The following WIPF3 variants were observed in gnomAD, a reference collection of about 807,000 sequenced individuals.
The protein encoded by WIPF3 is WAS/WASL-interacting protein family member 3.
Under a neutral mutation model 38.9 loss-of-function variants are expected in WIPF3, and 33 were observed. That is an observed-to-expected ratio of 0.85 (90% CI 0.64 to 1.14). The LOEUF (loss-of-function observed/expected upper bound fraction) is 1.14. WIPF3 is among the 50% of genes most tolerant of loss of function. The probability of loss-of-function intolerance (pLI) is 0.00; values close to 1 mark genes in which losing one functional copy is unlikely to be tolerated. For missense variants in WIPF3, 711 were observed against 652.5 expected, an observed-to-expected ratio of 1.09 and a Z score of -0.98; for synonymous variants, 324 against 269.3, an observed-to-expected ratio of 1.20 and a Z score of -1.99.
intron 1 of WIPF3, among the ~76,000 whole-genome samples, chr7:29,817,634 T>C (rs1784477278): frequency 6.6e-6 from 1 of 152,104 alleles, no homozygotes; most frequent in African/African-American, 2.4e-5. Context: ...AATGTCTTTC[T>C]TTTTTTAAAA....
chr7:29,833,616 T>C (rs1784755777), intron 1 of WIPF3, among the ~76,000 whole-genome samples: 1 of 152,200 alleles, frequency 6.6e-6, no homozygotes, highest in East Asian at 1.9e-4. Flanking sequence ...CATAAATGCT[T>C]TTGGCCTCTG....
Position 29,834,754 on chromosome 7 carries a change from TCTG to T in WIPF3, c.32_34del (p.Leu11del). On this transcript the variant is annotated inframe_deletion, in exon 2 of 9. Transcript: ENST00000242140. ...CAGTGCCACCGCCACCCCCACCTCC[TCTG>T]CCTCCACCTCCCCCGCCTCTGGGGG... 8.5e-7 allele frequency: 1 copy of T among 1,179,886 alleles called. No homozygotes were observed. The highest frequency in any genetic ancestry group is 1.1e-6 in the Non-Finnish European group (1 of 918,210). The allele number at this position is 1,179,886 out of a possible 1,614,324, so 73.1% of individuals were successfully genotyped here. A position where few individuals can be genotyped will look rare whatever the true frequency, so the allele number is the denominator to read the frequency against.
intron 1 of WIPF3, among the ~76,000 whole-genome samples, chr7:29,811,440 G>C (rs1335874430): frequency 6.6e-6 from 1 of 152,198 alleles, no homozygotes; most frequent in Non-Finnish European, 1.5e-5. Context: ...GATAAAATCA[G>C]AGGTAATTTA....
chr7:29,904,336 G>C lies in WIPF3; in HGVS notation c.1402G>C (p.Asp468His), dbSNP rs759006079. Residue 468 changes from aspartate to histidine, a missense_variant, in exon 8 of 9, where the codon GAT (aspartate) becomes CAT (histidine). By Grantham distance (81) the Asp-to-His change is moderately conservative. Coordinates refer to ENST00000242140, the MANE Select transcript of WIPF3 (RefSeq NM_001080529.3). ...AGCGGAAGCAGTCGGGCAGAGCTCT[G>C]ATGACATCAAAGGCAGAAATTCTCA... ...LQAEAVGQSS[D>H]DIKGRNSQLS... is the part of the protein sequence containing the mutation. 1 of 1,613,838 alleles carries C rather than the reference G, an allele frequency of 6.2e-7. No homozygotes were observed. Among genetic ancestry groups the C allele is most frequent in the African/African-American group, 1.3e-5 (1 of 74,926 alleles).
chr7:29,878,689 G>A lies in WIPF3; in HGVS notation c.224-320G>A, dbSNP rs1460675140. Among the ~76,000 whole-genome samples, 1 of 152,170 alleles carries A rather than the reference G, an allele frequency of 6.6e-6. No individual in the cohort carries two copies. Among genetic ancestry groups the A allele is most frequent in the Non-Finnish European group, 1.5e-5 (1 of 68,028 alleles). On this transcript the variant is annotated intron_variant, in intron 3 of 8. Transcript: ENST00000242140. This position sits in a 1 kb window ranked among gnomAD's most constrained non-coding sequence, Gnocchi z 4.0. The stretch of plus-strand genomic sequence containing the variant: ...CTACCACATTTGGGTTTTCTAATTC[G>A]AAGGTGCTGCCAGTTGCTCTGTTAG...
At chr7:29,875,422 G>A (rs972190762) in intron 2 of WIPF3, among the ~76,000 whole-genome samples, 8 of 152,098 alleles carry the variant, frequency 5.3e-5, no homozygotes, top group African/African-American at 1.9e-4. Flanking sequence ...CGTCAAGTGG[G>A]GAATCAGTCA....
At chr7:29,868,782 G>A (rs1040286855) in intron 2 of WIPF3, among the ~76,000 whole-genome samples, 6 of 152,000 alleles carry the variant, frequency 3.9e-5, no homozygotes, top group Admixed American at 1.3e-4. Flanking sequence ...GCATGTTACT[G>A]TACTCAGTGA....
chr7:29,894,215 AGCTAGCT>A (rs1386226309), intron 7 of WIPF3, among the ~76,000 whole-genome samples: 1 of 152,114 alleles, frequency 6.6e-6, no homozygotes, highest in Non-Finnish European at 1.5e-5. Context: ...GCTAATCTAC[AGCTAGCT>A]GCATTTTATG....
intron 1 of WIPF3, among the ~76,000 whole-genome samples, chr7:29,806,901 C>A (rs1008699204): frequency 6.6e-6 from 1 of 151,192 alleles, no homozygotes; most frequent in African/African-American, 2.4e-5. Flanking sequence ...CACCCTGCCA[C>A]GCCGCCCCGG....
chr7:29,866,168 G>A (rs755732733), intron 2 of WIPF3, among the ~76,000 whole-genome samples: 20 of 152,036 alleles, frequency 1.3e-4, no homozygotes, highest in Non-Finnish European at 2.4e-4. Context: ...CAAAAAAAAA[G>A]GAAGTCTAGA....
chr7:29,839,999 A>G (rs927211208), intron 2 of WIPF3, among the ~76,000 whole-genome samples: 2 of 152,192 alleles, frequency 1.3e-5, no homozygotes, highest in African/African-American at 4.8e-5. Flanking sequence ...CTTTTGTTAT[A>G]TAAGTATATA....
chr7:29,818,326 G>T (rs1224277065), intron 1 of WIPF3, among the ~76,000 whole-genome samples: 1 of 151,980 alleles, frequency 6.6e-6, no homozygotes, highest in Non-Finnish European at 1.5e-5. Flanking sequence ...GGTGGCACAT[G>T]CCTGTAGTAC....
chr7:29,827,533 G>T (rs1418619181), intron 1 of WIPF3, among the ~76,000 whole-genome samples: 1 of 152,046 alleles, frequency 6.6e-6, no homozygotes, highest in Non-Finnish European at 1.5e-5. Context: ...TGGCCGCAAG[G>T]TACCTTTAAT....
chr7:29,821,782 T>G (rs1784540366), intron 1 of WIPF3, among the ~76,000 whole-genome samples: 1 of 152,220 alleles, frequency 6.6e-6, no homozygotes, highest in Non-Finnish European at 1.5e-5. Context: ...CTTTGTCCAT[T>G]TACATTTCAT....
Position 29,811,050 on chromosome 7 carries a change from G to A in WIPF3, c.-58+4372G>A, listed in dbSNP as rs183410234. Among the ~76,000 whole-genome samples the A allele has an allele frequency of 8.8e-4, 132 of 149,442 alleles. 2 individuals are homozygous for A. The highest frequency in any genetic ancestry group is 4.5e-3 in the South Asian group (21 of 4,710). On this transcript the variant is annotated intron_variant, in intron 1 of 8. Coordinates refer to ENST00000242140, the MANE Select transcript of WIPF3 (RefSeq NM_001080529.3). ...ACTACAGGCACGTGCCACCATGCCC[G>A]GCTAATTTTTTTTTATTTTTTGTAG...
At chr7:29,808,012 G>A (rs1164373459) in intron 1 of WIPF3, among the ~76,000 whole-genome samples, 1 of 151,990 alleles carries the variant, frequency 6.6e-6, no homozygotes, top group Non-Finnish European at 1.5e-5. Context: ...TTGTTTTTGG[G>A]CCTTGCAAGG....
chr7:29,827,567 G>A (rs1056804435), intron 1 of WIPF3, among the ~76,000 whole-genome samples: 1 of 152,102 alleles, frequency 6.6e-6, no homozygotes, highest in Non-Finnish European at 1.5e-5. Flanking sequence ...ACGCTTAGAG[G>A]TGGCAGGACC....
chr7:29,824,638 G>C (rs1336834575), intron 1 of WIPF3, among the ~76,000 whole-genome samples: 2 of 152,168 alleles, frequency 1.3e-5, no homozygotes, highest in African/African-American at 4.8e-5. Context: ...CACAGTGGAG[G>C]ATGAGATGTG....
chr7:29,906,601 A>C (rs1051636989), intron 8 of WIPF3, among the ~76,000 whole-genome samples: 4 of 152,182 alleles, frequency 2.6e-5, no homozygotes, highest in Non-Finnish European at 5.9e-5. Flanking sequence ...GGAAAGAAAA[A>C]GGGTAAAAAA....
Sources: allele counts gnomAD v4.1 joint callset (sites outside exome capture counted in the v4.1 genomes callset), GRCh38; gene constraint gnomAD v4.1.1; non-coding constraint Gnocchi (gnomAD v3.1); transcripts MANE v1.5; gene names NCBI Gene and HGNC (gene_info 2026-07-23, HGNC 2026-07-21).